BRCA1: variants seen among roughly 807,000 people sequenced by gnomAD.
BRCA1 encodes the protein BRCA1 DNA repair associated, also known as breast cancer type 1 susceptibility protein.
BRCA1 carries 140 observed loss-of-function variants against 173.7 expected under a neutral mutation model. The observed-to-expected ratio is 0.81, with a 90% CI of 0.70 to 0.93. The LOEUF (loss-of-function observed/expected upper bound fraction) is 0.93, where lower values mean the gene tolerates loss of function less well. Ranked by LOEUF, BRCA1 falls within the 40% of genes least tolerant of loss-of-function variation. BRCA1 has a pLI of 0.00. For missense variants in BRCA1, 1,983 were observed against 2,172.5 expected (o/e 0.91, Z 1.73); for synonymous variants, 662 against 756.0 (o/e 0.88, Z 2.04).
At position 43,145,886 on chromosome 17, in the gene BRCA1, A is replaced by G. The variant is rs114371391; in HGVS notation, c.-19-21771T>C. ...ATGGGGGTTAGTTTTTATATCCTGTAATACAAAGCATATTAAATGGCAATA... is the reference window on the plus strand; with the variant it reads ...ATGGGGGTTAGTTTTTATATCCTGTGATACAAAGCATATTAAATGGCAATA... On this transcript the variant is annotated intron_variant, in intron 1 of 7. Transcript: ENST00000634433. 3.5e-3 allele frequency among the ~76,000 whole-genome samples: 526 copies of G among 152,268 alleles called. 5 individuals carry two copies. The highest frequency in any genetic ancestry group is 0.012 in the African/African-American group (500 of 41,546).
At chr17:43,061,612 TCA>T (rs2051758765) in intron 18 of BRCA1, among the ~76,000 whole-genome samples, 1 of 151,772 alleles carries the variant, frequency 6.6e-6, no homozygotes. Flanking sequence ...AGACAGGGTC[TCA>T]TTCTGTCTCA....
At chr17:43,136,823 G>A (rs751410738) in intron 1 of BRCA1, among the ~76,000 whole-genome samples, 12 of 152,282 alleles carry the variant, frequency 7.9e-5, no homozygotes, top group Non-Finnish European at 1.6e-4. Context: ...ACGCTTTTAC[G>A]CCATTGGTGG....
At chr17:43,135,694 A>C (rs933412450) in intron 1 of BRCA1, among the ~76,000 whole-genome samples, 5 of 152,108 alleles carry the variant, frequency 3.3e-5, no homozygotes, top group African/African-American at 1.2e-4. Context: ...CTCGGCTCCA[A>C]CCGATTCCAC....
At position 43,093,782 on chromosome 17, in the gene BRCA1, T is replaced by C. The variant is rs876659580; in HGVS notation, c.1749A>G (p.Lys583=). 1.9e-6 allele frequency: 3 copies of C among 1,613,766 alleles called. No individual in the cohort carries two copies. Among genetic ancestry groups the C allele is most frequent in the Admixed American group, 3.3e-5 (2 of 59,954 alleles). The change falls in exon 10 of 23, where the codon AAA becomes AAG. Residue 583 remains lysine (K), a synonymous_variant. Transcript: ENST00000357654. ...TTATACTGCTGCTTATAGGTTCAGC[T>C]TTCGTTTTGAAAGCAGATTCTTTTT... ...SLEKESAFKT[K]AEPISSSISN... is the part of the protein sequence containing the mutation.
chr17:43,170,056 C>T, intron 1 of BRCA1: 2 of 404,172 alleles, frequency 4.9e-6, no homozygotes, highest in Non-Finnish European at 1.0e-5. Context: ...TAGATGCAGG[C>T]AAGCTGGGAG....
At chr17:43,137,385 C>A (rs1434094962) in intron 1 of BRCA1, among the ~76,000 whole-genome samples, 1 of 151,212 alleles carries the variant, frequency 6.6e-6, no homozygotes, top group Non-Finnish European at 1.5e-5. Flanking sequence ...ATGTAACAAA[C>A]CTGCACGTTG....
At chr17:43,125,442 T>C (rs2154580357), upstream of BRCA1, 2 of 368,682 alleles carry the variant, frequency 5.4e-6, no homozygotes, top group Non-Finnish European at 5.4e-6. Flanking sequence ...ACCAAGGGGC[T>C]ACCGCTAAGC....
rs545107728 is a variant in BRCA1 at position 43,071,293 on chromosome 17, G to A, written c.4676-55C>T. ...ACAACGATGAATGTTGAATTACAAA[G>A]TTCTGGTCTCTGTTAAGAATTAAAA... On this transcript the variant is annotated intron_variant, in intron 14 of 22. Transcript: ENST00000357654. 3.0e-4 allele frequency: 481 copies of A among 1,579,362 alleles called. 1 individual carries two copies. In the African/African-American group the frequency reaches 5.8e-3, roughly 19 times the overall value.
At chr17:43,129,533 G>A (rs34672900), upstream of BRCA1, among the ~76,000 whole-genome samples, 23,655 of 151,904 alleles carry the variant, frequency 0.16, 2,446 homozygotes, top group Non-Finnish European at 0.23. Flanking sequence ...GCAGTGGCAC[G>A]ATCGCGGCTA....
At chr17:43,130,878 C>G in intron 1 of BRCA1, among the ~76,000 whole-genome samples, 1 of 152,306 alleles carries the variant, frequency 6.6e-6, no homozygotes, top group East Asian at 1.9e-4. Context: ...GATTAGATGA[C>G]ATTTCATTGC....
chr17:43,067,836 A>AATTT, intron 15 of BRCA1, 141 bp from the exon 16 acceptor site: 1 of 215,064 alleles, frequency 4.6e-6, no homozygotes, highest in African/African-American at 4.3e-5. Flanking sequence ...TTTAAAGTGA[A>AATTT]TTTTTTTTTT....
At position 43,079,395 on chromosome 17, in the gene BRCA1, C is replaced by T. The variant is rs761271538; in HGVS notation, c.4358-2781G>A. ...AGTTGTTCCTTTGGCCATGTATATG[C>T]GAATCTGTAAGAAAGGTGAAATTGT... On this transcript the variant is annotated intron_variant, in intron 12 of 22. Transcript: ENST00000357654. The T allele has an allele frequency of 4.4e-6, 7 of 1,595,768 alleles. No individual in the cohort carries two copies. Among genetic ancestry groups the T allele is most frequent in the South Asian group, 2.2e-5 (2 of 90,984 alleles).
At chr17:43,103,264 C>T (rs1490036468) in intron 6 of BRCA1, among the ~76,000 whole-genome samples, 2 of 151,866 alleles carry the variant, frequency 1.3e-5, no homozygotes, top group Non-Finnish European at 2.9e-5. Context: ...GTCAGGAGTT[C>T]GAGACCAGCC....
intron 2 of BRCA1, among the ~76,000 whole-genome samples, chr17:43,120,733 C>G (rs1483582245): frequency 6.6e-6 from 1 of 152,012 alleles, no homozygotes; most frequent in Non-Finnish European, 1.5e-5. Flanking sequence ...CCACTGCACT[C>G]CGGCCTGGGT....
rs762153716 is a variant in BRCA1 at position 43,090,930 on chromosome 17, C to T, written c.4185+14G>A. ...CCACACACACGCATGTGCACACACA[C>T]ACACGCTTTTTACCTGAGTGGTTAA... On this transcript the variant is annotated intron_variant, in intron 11 of 22. Transcript: ENST00000357654. The T allele has an allele frequency of 1.2e-6, 2 of 1,602,616 alleles. No individual in the cohort carries two copies.
chr17:43,068,496 A>G (rs1442037081), intron 15 of BRCA1, among the ~76,000 whole-genome samples: 1 of 151,504 alleles, frequency 6.6e-6, no homozygotes, highest in African/African-American at 2.4e-5. Flanking sequence ...GGACTGCTTG[A>G]GCTCAAGAGT....
intron 1 of BRCA1, chr17:43,170,045 G>C (rs2056315548): frequency 4.8e-6 from 2 of 419,286 alleles, no homozygotes; most frequent in Non-Finnish European, 9.5e-6. Flanking sequence ...TGAGGGCAGA[G>C]TAGATGCAGG....
At position 43,093,690 on chromosome 17, in the gene BRCA1, TTC is replaced by T. The variant is rs752474843; in HGVS notation, c.1839_1840del (p.Lys614ValfsTer10). The T allele has an allele frequency of 3.1e-6, 5 of 1,614,108 alleles. No homozygotes were observed. The South Asian group carries it at 5.5e-5, about 18-fold the overall frequency. On this transcript the variant is annotated frameshift_variant, in exon 10 of 23. Coordinates refer to ENST00000357654, the MANE Select transcript of BRCA1 (RefSeq NM_007294.4). LOFTEE classifies it high-confidence loss of function. ...CGCATGAATATGCCTGGTAGAAGACTTCCTCCTCAGCCTATTCTTTTTAGGTG... is the reference window on the plus strand; with the variant it reads ...CGCATGAATATGCCTGGTAGAAGACTCTCCTCAGCCTATTCTTTTTAGGTG...
At chr17:43,046,456 G>A (rs2050921919) in intron 22 of BRCA1, among the ~76,000 whole-genome samples, 1 of 150,998 alleles carries the variant, frequency 6.6e-6, no homozygotes, top group African/African-American at 2.4e-5. Flanking sequence ...GGATTGTGAT[G>A]GTGTGATCTC....
Sources: allele counts gnomAD v4.1 joint callset (sites outside exome capture counted in the v4.1 genomes callset), GRCh38; gene constraint gnomAD v4.1.1; transcripts MANE v1.5; gene names NCBI Gene and HGNC (gene_info 2026-07-23, HGNC 2026-07-21).